The following IGSF11 variants were observed in gnomAD, a reference collection of about 807,000 sequenced individuals.
IGSF11 encodes the protein immunoglobulin superfamily member 11.
Under a neutral mutation model 41.0 loss-of-function variants are expected in IGSF11, and 22 were observed. That is an observed-to-expected ratio of 0.54 (90% CI 0.38 to 0.77). The LOEUF is 0.77. Among genes scored for constraint, IGSF11 ranks in the 30% least tolerant of loss-of-function variants. The pLI, the probability that IGSF11 is intolerant of heterozygous loss-of-function variation, is 0.00. For missense variants in IGSF11, 444 were observed against 530.8 expected (o/e 0.84, Z 1.61); for synonymous variants, 219 against 201.3 (o/e 1.09, Z -0.74).
At chr3:118,928,806 G>A in intron 2 of IGSF11, 90 bp from the exon 3 acceptor site, 1 of 902,112 alleles carries the variant, frequency 1.1e-6, no homozygotes, top group South Asian at 1.8e-5. Flanking sequence ...ACCAAATGCT[G>A]CACCAAACAT....
intron 1 of IGSF11, among the ~76,000 whole-genome samples, chr3:119,079,054 A>G (rs564337355): frequency 1.3e-5 from 2 of 152,124 alleles, no homozygotes; most frequent in Admixed American, 1.3e-4. Context: ...CAGAATGACT[A>G]TTATTAAAAA....
intron 1 of IGSF11, among the ~76,000 whole-genome samples, chr3:119,056,278 G>T (rs1330052369): frequency 6.6e-6 from 1 of 152,168 alleles, no homozygotes; most frequent in Non-Finnish European, 1.5e-5. Flanking sequence ...ATAAAAAAAT[G>T]ATAAAGGGGA....
chr3:119,000,829 T>C (rs1244447944), intron 1 of IGSF11, among the ~76,000 whole-genome samples: 3 of 152,146 alleles, frequency 2.0e-5, no homozygotes, highest in South Asian at 2.1e-4. Context: ...CCTAATATAT[T>C]AGCCAGAGTG....
intron 1 of IGSF11, among the ~76,000 whole-genome samples, chr3:119,005,453 G>T (rs1263158293): frequency 6.6e-6 from 1 of 150,552 alleles, no homozygotes; most frequent in Non-Finnish European, 1.5e-5. Flanking sequence ...GGAGCATTTA[G>T]TCCATTTACA....
chr3:119,117,964 C>T (rs1193396872), intron 1 of IGSF11, among the ~76,000 whole-genome samples: 1 of 152,230 alleles, frequency 6.6e-6, no homozygotes, highest in African/African-American at 2.4e-5. Flanking sequence ...CACACTGATG[C>T]AAAAGGTGGG....
chr3:119,112,958 A>T (rs1164184696), intron 1 of IGSF11, among the ~76,000 whole-genome samples: 1 of 152,230 alleles, frequency 6.6e-6, no homozygotes, highest in Non-Finnish European at 1.5e-5. Context: ...AAGAGGAAGC[A>T]GACATGTCCT....
At position 119,046,645 on chromosome 3, in the gene IGSF11, A is replaced by G. The variant is rs1202271391; in HGVS notation, c.49+58499T>C. Among the ~76,000 whole-genome samples the G allele has an allele frequency of 8.0e-4, 121 of 151,806 alleles. 1 individual carries two copies. Among genetic ancestry groups the G allele is most frequent in the Middle Eastern group, 6.8e-3 (2 of 294 alleles). On this transcript the variant is annotated intron_variant, in intron 1 of 6. Coordinates refer to the IGSF11 transcript ENST00000354673. ...TTCAGATTCAGGAAATACAGAGAAC[A>G]CCACAAAGATACTCCTCGAGAAGAG...
At chr3:119,140,732 A>G (rs2077635148) in intron 1 of IGSF11, among the ~76,000 whole-genome samples, 1 of 152,204 alleles carries the variant, frequency 6.6e-6, no homozygotes, top group Non-Finnish European at 1.5e-5. Context: ...AACAAGCCTC[A>G]GTAAATTTTA....
chr3:118,931,603 G>T lies in IGSF11; in HGVS notation c.53-1328C>A, dbSNP rs886924939. ...TGTCTAGAAAAGGCAAATCTATAGA[G>T]ACAGAAAATAGATTAGTACCACCCG... On this transcript the variant is annotated intron_variant, in intron 1 of 6. Transcript: ENST00000393775. Among the ~76,000 whole-genome samples, 4 of 152,252 alleles carry T rather than the reference G, an allele frequency of 2.6e-5. No homozygotes were observed. In the East Asian group the frequency reaches 5.8e-4, roughly 22 times the overall value.
At chr3:118,939,552 G>A (rs1395242136) in intron 1 of IGSF11, among the ~76,000 whole-genome samples, 1 of 149,800 alleles carries the variant, frequency 6.7e-6, no homozygotes, top group Admixed American at 6.6e-5. Flanking sequence ...CTCTAGCCTG[G>A]GTGACAGAGC....
intron 1 of IGSF11, among the ~76,000 whole-genome samples, chr3:119,021,837 CAATT>C (rs1209831840): frequency 3.4e-4 from 52 of 152,012 alleles, no homozygotes; most frequent in Admixed American, 3.0e-3. Context: ...TTAAATGAAT[CAATT>C]AAGAACTTCT....
At chr3:119,097,957 A>ATTTTTTTTTT (rs377746200) in intron 1 of IGSF11, among the ~76,000 whole-genome samples, 10 of 58,362 alleles carry the variant, frequency 1.7e-4, no homozygotes, top group East Asian at 5.5e-4. Context: ...CATTCAGCTA[A>ATTTTTTTTTT]TTTTTTTTTT....
intron 1 of IGSF11, among the ~76,000 whole-genome samples, chr3:119,134,015 C>A (rs2077520973): frequency 6.6e-6 from 1 of 152,158 alleles, no homozygotes; most frequent in Non-Finnish European, 1.5e-5. Context: ...AACTCAACAG[C>A]CCTTCATGCT....
At chr3:118,994,272 C>T (rs926997532) in intron 1 of IGSF11, among the ~76,000 whole-genome samples, 1 of 152,204 alleles carries the variant, frequency 6.6e-6, no homozygotes, top group Non-Finnish European at 1.5e-5. Flanking sequence ...AGCCTAGCAG[C>T]ACCTACTGCC....
intron 1 of IGSF11, among the ~76,000 whole-genome samples, chr3:119,075,743 T>C (rs1016440735): frequency 3.9e-5 from 6 of 152,124 alleles, no homozygotes; most frequent in African/African-American, 1.4e-4. Context: ...ATCATCTCAA[T>C]AGATGCACAA....
At chr3:119,078,186 A>G (rs963803685) in intron 1 of IGSF11, among the ~76,000 whole-genome samples, 2 of 152,240 alleles carry the variant, frequency 1.3e-5, no homozygotes, top group Non-Finnish European at 2.9e-5. Flanking sequence ...ATATGGAACC[A>G]AAAAAGAGAC....
chr3:119,034,600 C>G lies in IGSF11; in HGVS notation c.-18G>C. 2 of 1,580,076 alleles carry G rather than the reference C, an allele frequency of 1.3e-6. No individual in the cohort carries two copies. Among genetic ancestry groups the G allele is most frequent in the South Asian group, 2.3e-5 (2 of 85,752 alleles). ...GAAGTCATCCCGGGGCCGCAGGGAG[C>G]GCGCCTGCCTCCTACCCGGCTCCCG... On this transcript the variant is annotated 5_prime_UTR_variant, in exon 1 of 7. Transcript: ENST00000393775.
intron 1 of IGSF11, among the ~76,000 whole-genome samples, chr3:118,968,109 C>A (rs921748958): frequency 7.9e-5 from 12 of 152,186 alleles, no homozygotes; most frequent in African/African-American, 2.9e-4. Context: ...ACATCAGATG[C>A]ATTATATATT....
intron 1 of IGSF11, among the ~76,000 whole-genome samples, chr3:119,006,536 C>A (rs1034534500): frequency 1.5e-3 from 202 of 132,104 alleles, no homozygotes; most frequent in African/African-American, 5.9e-3. Context: ...GGAGGAGAGG[C>A]GCTCTGCATT....
Sources: gnomAD v4.1 joint callset for allele counts (sites outside exome capture counted in the v4.1 genomes callset) on GRCh38, gnomAD v4.1.1 for gene constraint, MANE v1.5 for transcripts, NCBI Gene and HGNC (gene_info 2026-07-23, HGNC 2026-07-21) for gene names.